SORCS1: variants seen among roughly 807,000 people sequenced by gnomAD.
The protein encoded by SORCS1 is sortilin related VPS10 domain containing receptor 1.
In SORCS1, 60 loss-of-function variants were observed where a neutral mutation model predicts 146.1. The observed-to-expected ratio is 0.41, with a 90% CI of 0.33 to 0.51. The LOEUF (loss-of-function observed/expected upper bound fraction) is 0.51, where lower values mean the gene tolerates loss of function less well. Among genes scored for constraint, SORCS1 ranks in the 20% least tolerant of loss-of-function variants. SORCS1 has a pLI of 0.21. For missense variants in SORCS1, 1,352 were observed against 1,487.6 expected (o/e 0.91, Z 1.50); for synonymous variants, 637 against 584.0 (o/e 1.09, Z -1.31).
At chr10:106,927,863 C>T (rs1005073022) in intron 2 of SORCS1, among the ~76,000 whole-genome samples, 1 of 151,598 alleles carries the variant, frequency 6.6e-6, no homozygotes, top group Non-Finnish European at 1.5e-5. Flanking sequence ...TGTCTCAATC[C>T]CTGAGCTAGA....
chr10:107,166,563 T>C (rs1385592024), upstream of SORCS1, among the ~76,000 whole-genome samples: 1 of 152,242 alleles, frequency 6.6e-6, no homozygotes, highest in African/African-American at 2.4e-5. Context: ...TGGCAGGCTA[T>C]GGCCTCTAGA....
chr10:106,850,335 A>G (rs1277332249), intron 2 of SORCS1, among the ~76,000 whole-genome samples: 1 of 151,974 alleles, frequency 6.6e-6, no homozygotes, highest in Non-Finnish European at 1.5e-5. Context: ...TTCGGGTGGG[A>G]GTGACCCGAT....
chr10:106,999,492 G>A (rs1006829084), intron 1 of SORCS1, among the ~76,000 whole-genome samples: 1 of 152,314 alleles, frequency 6.6e-6, no homozygotes, highest in African/African-American at 2.4e-5. Context: ...TTTCATTTAA[G>A]AAAACGTGCT....
chr10:106,729,535 A>G (rs1304694780), intron 6 of SORCS1, among the ~76,000 whole-genome samples: 1 of 151,988 alleles, frequency 6.6e-6, no homozygotes, highest in Non-Finnish European at 1.5e-5. Context: ...AAATAAGGAG[A>G]CTGAAGAAAC....
intron 18 of SORCS1, among the ~76,000 whole-genome samples, chr10:106,641,504 G>A (rs539984721): frequency 2.0e-5 from 3 of 152,110 alleles, no homozygotes; most frequent in Non-Finnish European, 2.9e-5. Context: ...GCATGTCTAG[G>A]AAAGGATTAA....
intron 1 of SORCS1, among the ~76,000 whole-genome samples, chr10:106,988,930 AG>A (rs1268960842): frequency 6.6e-6 from 1 of 151,968 alleles, no homozygotes; most frequent in Non-Finnish European, 1.5e-5. Flanking sequence ...CGTCCCTAGG[AG>A]GGGCTTTTTT....
chr10:106,946,355 T>C (rs1954343998), intron 2 of SORCS1, among the ~76,000 whole-genome samples: 1 of 152,224 alleles, frequency 6.6e-6, no homozygotes, highest in South Asian at 2.1e-4. Flanking sequence ...CCAAATCTTG[T>C]CTTGAATTGT....
chr10:106,642,527 T>C (rs17121107), intron 18 of SORCS1, among the ~76,000 whole-genome samples: 1 of 152,170 alleles, frequency 6.6e-6, no homozygotes, highest in African/African-American at 2.4e-5. Flanking sequence ...AAATAAGAAA[T>C]GCACTCATAT....
chr10:106,721,951 T>A (rs1007346782), intron 6 of SORCS1, among the ~76,000 whole-genome samples: 2 of 152,196 alleles, frequency 1.3e-5, no homozygotes. Flanking sequence ...GCTAAATTTA[T>A]ATGTGCTGAT....
chr10:107,004,083 G>A (rs1455665284), intron 1 of SORCS1, among the ~76,000 whole-genome samples: 1 of 150,728 alleles, frequency 6.6e-6, no homozygotes, highest in Non-Finnish European at 1.5e-5. Flanking sequence ...GGCTGAGGCA[G>A]GAGAATGGCG....
At chr10:106,860,092 AG>A (rs1230902729) in intron 2 of SORCS1, among the ~76,000 whole-genome samples, 1 of 152,260 alleles carries the variant, frequency 6.6e-6, no homozygotes, top group Admixed American at 6.5e-5. Context: ...TGTGTTGGGT[AG>A]GAATAATTAT....
At chr10:106,598,280 T>TTA (rs1846031281) in intron 23 of SORCS1, among the ~76,000 whole-genome samples, 2 of 116,188 alleles carry the variant, frequency 1.7e-5, no homozygotes, top group Non-Finnish European at 3.5e-5. Context: ...TATTATTATT[T>TTA]GAGATGGAGT....
intron 1 of SORCS1, among the ~76,000 whole-genome samples, chr10:107,067,870 T>C (rs1196003699): frequency 6.6e-6 from 1 of 152,214 alleles, no homozygotes; most frequent in Non-Finnish European, 1.5e-5. Context: ...TATATGCTAG[T>C]ACTCAGAAAG....
At chr10:107,044,489 A>T (rs1242591237) in intron 1 of SORCS1, among the ~76,000 whole-genome samples, 3 of 150,108 alleles carry the variant, frequency 2.0e-5, no homozygotes, top group East Asian at 3.9e-4. Context: ...TCCTGCATTT[A>T]AAAAATGTTT....
At chr10:107,035,487 G>A (rs1433579347) in intron 1 of SORCS1, among the ~76,000 whole-genome samples, 1 of 152,032 alleles carries the variant, frequency 6.6e-6, no homozygotes, top group East Asian at 1.9e-4. Context: ...TTTGCAGAAT[G>A]GAGTGAAAAA....
At chr10:106,966,453 C>A (rs970531672) in intron 1 of SORCS1, among the ~76,000 whole-genome samples, 21 of 152,066 alleles carry the variant, frequency 1.4e-4, no homozygotes, top group African/African-American at 4.8e-4. Flanking sequence ...TCCCTAAATG[C>A]CCTTTATATT....
At chr10:106,735,929 G>A (rs990788203) in intron 5 of SORCS1, among the ~76,000 whole-genome samples, 1 of 152,146 alleles carries the variant, frequency 6.6e-6, no homozygotes, top group African/African-American at 2.4e-5. Flanking sequence ...ATGAAAACAA[G>A]ACAAAGCCCA....
chr10:106,611,789 GCT>G, intron 22 of SORCS1, 120 bp downstream of exon 22: 1 of 735,564 alleles, frequency 1.4e-6, no homozygotes, highest in South Asian at 1.8e-5. Context: ...CTTCCCATGG[GCT>G]CTAGCTTCTT....
chr10:106,587,909 C>T (rs986653134), intron 24 of SORCS1, among the ~76,000 whole-genome samples: 2 of 151,886 alleles, frequency 1.3e-5, no homozygotes, highest in African/African-American at 4.8e-5. Flanking sequence ...AAATATTAAC[C>T]CTTTACCATT....
Sources: allele counts gnomAD v4.1 joint callset (sites outside exome capture counted in the v4.1 genomes callset), GRCh38; gene constraint gnomAD v4.1.1; transcripts MANE v1.5; gene names NCBI Gene and HGNC (gene_info 2026-07-23, HGNC 2026-07-21).